The following GPC5 variants were observed in gnomAD, a reference collection of about 807,000 sequenced individuals.
GPC5 encodes glypican-5.
Under a neutral mutation model 53.9 loss-of-function variants are expected in GPC5, and 47 were observed. The ratio of observed to expected loss-of-function variants is 0.87; its 90% confidence interval spans 0.69 to 1.11. The LOEUF is 1.11. Among genes scored for constraint, GPC5 ranks in the 50% most tolerant of loss-of-function variants. The probability of loss-of-function intolerance (pLI) is 0.00; values close to 1 mark genes in which losing one functional copy is unlikely to be tolerated. For synonymous variants in GPC5, 286 were observed against 263.3 expected, an observed-to-expected ratio of 1.09 and a Z score of -0.84; for missense variants, 748 against 713.1, an observed-to-expected ratio of 1.05 and a Z score of -0.56.
chr13:91,820,333 A>G (rs2038472134), intron 5 of GPC5, among the ~76,000 whole-genome samples: 1 of 152,152 alleles, frequency 6.6e-6, no homozygotes, highest in Admixed American at 6.5e-5. Flanking sequence ...TGTTGTTAAT[A>G]ATTTTCTCAT....
chr13:92,708,875 T>G (rs1566376351), intron 7 of GPC5, among the ~76,000 whole-genome samples: 3 of 96,534 alleles, frequency 3.1e-5, no homozygotes, highest in Non-Finnish European at 6.4e-5. Flanking sequence ...TTTTTTTTTT[T>G]TTTTTTTTTT....
intron 7 of GPC5, among the ~76,000 whole-genome samples, chr13:92,278,163 A>G (rs2042889199): frequency 6.6e-6 from 1 of 151,900 alleles, no homozygotes; most frequent in South Asian, 2.1e-4. Context: ...TAGTATAAAG[A>G]AAGTTTGCCT....
chr13:92,751,781 C>T (rs773200852), intron 7 of GPC5, among the ~76,000 whole-genome samples: 1 of 151,616 alleles, frequency 6.6e-6, no homozygotes, highest in South Asian at 2.1e-4. Flanking sequence ...CAATACTTAG[C>T]GTATGAGGGA....
At chr13:91,600,292 A>T (rs1198721232) in intron 2 of GPC5, among the ~76,000 whole-genome samples, 3 of 151,330 alleles carry the variant, frequency 2.0e-5, no homozygotes, top group Non-Finnish European at 4.4e-5. Context: ...TATCATGGTA[A>T]TCGTTCATTT....
intron 7 of GPC5, among the ~76,000 whole-genome samples, chr13:92,678,471 A>G (rs1304953087): frequency 2.0e-5 from 3 of 152,194 alleles, no homozygotes; most frequent in Admixed American, 6.5e-5. Context: ...AGATGAGGGA[A>G]GTCATCAAGT....
chr13:91,606,986 G>T (rs1173992188), intron 2 of GPC5, among the ~76,000 whole-genome samples: 2 of 150,876 alleles, frequency 1.3e-5, no homozygotes, highest in South Asian at 2.1e-4. Flanking sequence ...GTTATTTCTT[G>T]CCTTCTGCTA....
rs71272284 is a variant in GPC5, at chr13:92,692,754, A to ATTTTT, written c.1562-173510_1562-173506dup. Among the ~76,000 whole-genome samples, 263 of 81,026 alleles carry ATTTTT rather than the reference A, an allele frequency of 3.2e-3. 20 individuals carry two copies. Among genetic ancestry groups the ATTTTT allele is most frequent in the East Asian group, 0.019 (22 of 1,184 alleles). 53.2% of individuals were successfully genotyped at this position (81,026 alleles called of 152,430 possible). A position where few individuals can be genotyped will look rare whatever the true frequency, so the allele number is the denominator to read the frequency against. ...CTCCAAAGCCTCACCAATATCGGCTATTTTTTTTTTTTTTTTTTTTTTACA... is the reference window on the plus strand; with the variant it reads ...CTCCAAAGCCTCACCAATATCGGCTATTTTTTTTTTTTTTTTTTTTTTTTTTTACA... On this transcript the variant is annotated intron_variant, in intron 7 of 7. Coordinates refer to ENST00000377067, the MANE Select transcript of GPC5 (RefSeq NM_004466.6).
chr13:92,444,715 T>TAAAAAAA (rs71910602), intron 7 of GPC5, among the ~76,000 whole-genome samples: 39 of 84,158 alleles, frequency 4.6e-4, no homozygotes, highest in Middle Eastern at 0.02. Flanking sequence ...TCCTGAAATC[T>TAAAAAAA]AAAAAAAAAA....
At chr13:92,275,462 T>C (rs2042868748) in intron 7 of GPC5, among the ~76,000 whole-genome samples, 2 of 152,164 alleles carry the variant, frequency 1.3e-5, no homozygotes, top group African/African-American at 4.8e-5. Flanking sequence ...GGACATAATT[T>C]TGACTTTCAA....
At chr13:91,815,318 A>G (rs1388972603) in intron 5 of GPC5, among the ~76,000 whole-genome samples, 11 of 152,122 alleles carry the variant, frequency 7.2e-5, no homozygotes, top group Non-Finnish European at 4.4e-5. Context: ...ACAATGAGCC[A>G]TGATTGCACC....
chr13:92,628,600 G>A (rs1454150481), intron 7 of GPC5, among the ~76,000 whole-genome samples: 2 of 151,982 alleles, frequency 1.3e-5, no homozygotes, highest in African/African-American at 2.4e-5. Flanking sequence ...TGGTGGCAAC[G>A]TGTCCCCAGC....
intron 6 of GPC5, among the ~76,000 whole-genome samples, chr13:92,084,246 C>G (rs2041319048): frequency 6.6e-6 from 1 of 152,176 alleles, no homozygotes; most frequent in Admixed American, 6.5e-5. Context: ...TGTAACAAAC[C>G]TGCACGTCCT....
intron 7 of GPC5, among the ~76,000 whole-genome samples, chr13:92,682,512 C>T (rs1369303700): frequency 6.6e-6 from 1 of 152,158 alleles, no homozygotes; most frequent in Non-Finnish European, 1.5e-5. Flanking sequence ...TAAGGATTTT[C>T]TTTTACTGTT....
At chr13:91,576,845 G>A (rs1201339211) in intron 2 of GPC5, among the ~76,000 whole-genome samples, 1 of 152,070 alleles carries the variant, frequency 6.6e-6, no homozygotes, top group East Asian at 1.9e-4. Flanking sequence ...ACAAAGTTCT[G>A]TATGCTGAAT....
At chr13:92,616,002 C>A (rs1455460297) in intron 7 of GPC5, among the ~76,000 whole-genome samples, 2 of 152,052 alleles carry the variant, frequency 1.3e-5, no homozygotes, top group Non-Finnish European at 2.9e-5. Context: ...GGCAGTGAGC[C>A]GAGATCGCGC....
At chr13:91,414,949 T>C (rs1201791540) in intron 1 of GPC5, among the ~76,000 whole-genome samples, 1 of 152,190 alleles carries the variant, frequency 6.6e-6, no homozygotes, top group Non-Finnish European at 1.5e-5. Flanking sequence ...GGTTCTCTAG[T>C]GCTATGGCAA....
rs1878627877 is a variant in GPC5 at position 92,464,819 on chromosome 13, C to T, written c.1561+319830C>T. ...GTTTATGGGCTCCAAATTTCTTGCT[C>T]AACATTATTAGAGGAACTTTATAAT... On this transcript the variant is annotated intron_variant, in intron 7 of 7. Coordinates refer to ENST00000377067, the MANE Select transcript of GPC5 (RefSeq NM_004466.6). Among the ~76,000 whole-genome samples, 12 of 151,758 alleles carry T rather than the reference C, an allele frequency of 7.9e-5. 2 individuals carry two copies. The Middle Eastern group carries it at 0.027, about 346-fold the overall frequency.
At chr13:92,097,687 A>G (rs2041432967) in intron 6 of GPC5, among the ~76,000 whole-genome samples, 1 of 152,236 alleles carries the variant, frequency 6.6e-6, no homozygotes, top group African/African-American at 2.4e-5. Context: ...AGAATGTTAT[A>G]TCAACTGAGA....
At chr13:92,627,738 G>A (rs1299990859) in intron 7 of GPC5, among the ~76,000 whole-genome samples, 1 of 152,108 alleles carries the variant, frequency 6.6e-6, no homozygotes, top group Non-Finnish European at 1.5e-5. Flanking sequence ...GTAATAATTA[G>A]GAGTGATGTA....
Sources: gnomAD v4.1 joint callset for allele counts (sites outside exome capture counted in the v4.1 genomes callset) on GRCh38, gnomAD v4.1.1 for gene constraint, MANE v1.5 for transcripts, NCBI Gene and HGNC (gene_info 2026-07-23, HGNC 2026-07-21) for gene names.